The following FA2H variants were observed in gnomAD, a reference collection of about 807,000 sequenced individuals.
The protein encoded by FA2H is fatty acid alpha-hydroxylase.
In FA2H, 22 loss-of-function variants were observed where a neutral mutation model predicts 44.9. The ratio of observed to expected loss-of-function variants is 0.49; its 90% CI spans 0.35 to 0.70. The LOEUF (loss-of-function observed/expected upper bound fraction) is 0.70, where lower values mean the gene tolerates loss of function less well. Among genes scored for constraint, FA2H ranks in the 30% least tolerant of loss-of-function variants. FA2H has a pLI of 0.01. For synonymous variants in FA2H, 243 were observed against 213.2 expected, an observed-to-expected ratio of 1.14 and a Z score of -1.22; for missense variants, 501 against 504.9, an observed-to-expected ratio of 0.99 and a Z score of 0.07.
chr16:74,716,573 G>C lies in FA2H; in HGVS notation c.813C>G (p.Val271=), dbSNP rs572400760. The C allele has an allele frequency of 1.3e-5, 20 of 1,587,338 alleles. No homozygotes were observed. In the African/African-American group the frequency reaches 1.9e-4, roughly 15 times the overall value. The change falls in exon 6 of 7, where the codon GTC becomes GTG. Residue 271 remains valine, a synonymous_variant. Coordinates refer to ENST00000219368, the MANE Select transcript of FA2H (RefSeq NM_024306.5). Reference sequence around the variant, plus strand: ...CCAGGGAGGCTGGCACAGGGGGGAAGACCAGGCGGGAGCCGTCGAAGGGTG... The same window carrying C: ...CCAGGGAGGCTGGCACAGGGGGGAACACCAGGCGGGAGCCGTCGAAGGGTG... ...HKAPFDGSRL[V]FPPVPASLVI...
intron 1 of FA2H, among the ~76,000 whole-genome samples, chr16:74,741,808 A>ATATATATGTGTG (rs1491185782): frequency 1.6e-3 from 79 of 48,362 alleles, no homozygotes; most frequent in Admixed American, 5.4e-3. Flanking sequence ...ATATATATAT[A>ATATATATGTGTG]TGTGTGTGTG....
chr16:74,734,094 C>G (rs143668407), intron 2 of FA2H, among the ~76,000 whole-genome samples: 310 of 152,346 alleles, frequency 2.0e-3, no homozygotes, highest in African/African-American at 7.1e-3. Flanking sequence ...GGTCCGGGCC[C>G]CATTTACTTC....
chr16:74,762,278 C>T (rs1962727706), intron 1 of FA2H, among the ~76,000 whole-genome samples: 1 of 152,154 alleles, frequency 6.6e-6, no homozygotes, highest in Admixed American at 6.5e-5. Flanking sequence ...TTCCTGACCT[C>T]GTGATCCACC....
chr16:74,727,771 A>C (rs1459715511), intron 2 of FA2H, among the ~76,000 whole-genome samples: 3 of 152,216 alleles, frequency 2.0e-5, no homozygotes, highest in African/African-American at 7.2e-5. Flanking sequence ...ATATCTGAGC[A>C]TCCAGATTCA....
chr16:74,741,808 A>ATATGTGTG (rs1491185782), intron 1 of FA2H, among the ~76,000 whole-genome samples: 384 of 48,218 alleles, frequency 8.0e-3, no homozygotes, highest in East Asian at 0.025. Context: ...ATATATATAT[A>ATATGTGTG]TGTGTGTGTG....
At chr16:74,745,673 C>A (rs764178355) in intron 1 of FA2H, among the ~76,000 whole-genome samples, 1 of 152,186 alleles carries the variant, frequency 6.6e-6, no homozygotes, top group Non-Finnish European at 1.5e-5. Context: ...AGGAGAGAAG[C>A]CTTTGAGACA....
chr16:74,722,256 C>G (rs1435936297), intron 4 of FA2H, among the ~76,000 whole-genome samples: 1 of 152,216 alleles, frequency 6.6e-6, no homozygotes, highest in East Asian at 1.9e-4. Flanking sequence ...TCAGGCTAGG[C>G]TGAACATGGG....
chr16:74,773,926 T>G (rs1962956508), intron 1 of FA2H, among the ~76,000 whole-genome samples: 1 of 152,180 alleles, frequency 6.6e-6, no homozygotes, highest in Admixed American at 6.5e-5. Context: ...TCTGAGAGGT[T>G]GGAGGACACA....
chr16:74,758,897 C>T lies in FA2H; in HGVS notation c.270+15589G>A, dbSNP rs979028522. Reference sequence around the variant, plus strand: ...GTATCTAGAACATTCCAGGGGAATCCTCCTGAAGGCCTTGGGATCTTGGCT... The same window carrying T: ...GTATCTAGAACATTCCAGGGGAATCTTCCTGAAGGCCTTGGGATCTTGGCT... On this transcript the variant is annotated intron_variant, in intron 1 of 6. Coordinates refer to ENST00000219368, the MANE Select transcript of FA2H (RefSeq NM_024306.5). Among the ~76,000 whole-genome samples the T allele has an allele frequency of 4.6e-5, 7 of 152,244 alleles. No individual in the cohort carries two copies. The South Asian group carries it at 1.0e-3, about 22-fold the overall frequency.
At chr16:74,771,073 C>A (rs1319354194) in intron 1 of FA2H, among the ~76,000 whole-genome samples, 1 of 152,142 alleles carries the variant, frequency 6.6e-6, no homozygotes, top group Admixed American at 6.5e-5. Flanking sequence ...ACGAGCCACA[C>A]CCTAAGGCTC....
chr16:74,764,925 G>C (rs1465428573), intron 1 of FA2H, among the ~76,000 whole-genome samples: 1 of 152,060 alleles, frequency 6.6e-6, no homozygotes, highest in African/African-American at 2.4e-5. Flanking sequence ...AACCCTGAGA[G>C]CAATGTGGGT....
At chr16:74,726,378 GAC>G (rs748244724) in intron 3 of FA2H, 47 bp from the exon 4 acceptor site, 4 of 1,202,342 alleles carry the variant, frequency 3.3e-6, no homozygotes, top group African/African-American at 1.6e-5. Context: ...ACAGGAGCTT[GAC>G]AGAGTACAGC....
chr16:74,763,768 T>G (rs1962756281), intron 1 of FA2H, among the ~76,000 whole-genome samples: 1 of 152,238 alleles, frequency 6.6e-6, no homozygotes, highest in South Asian at 2.1e-4. Context: ...GCAAGTTTAT[T>G]GCAGGTTGCA....
intron 1 of FA2H, among the ~76,000 whole-genome samples, chr16:74,755,582 C>T (rs551429747): frequency 2.0e-5 from 3 of 152,304 alleles, no homozygotes; most frequent in South Asian, 4.1e-4. Context: ...TTTAAGAACA[C>T]GTCTGTGAAT....
chr16:74,750,103 A>T (rs1430455218), intron 1 of FA2H, among the ~76,000 whole-genome samples: 1 of 152,216 alleles, frequency 6.6e-6, no homozygotes, highest in Non-Finnish European at 1.5e-5. Context: ...ACAGGACATG[A>T]GTTCCTTAAA....
intron 1 of FA2H, among the ~76,000 whole-genome samples, chr16:74,769,102 T>C (rs925197670): frequency 2.6e-5 from 4 of 152,104 alleles, no homozygotes; most frequent in Non-Finnish European, 5.9e-5. Flanking sequence ...ATTCACTTTA[T>C]TTATTTATTG....
chr16:74,760,560 G>C (rs559305704), intron 1 of FA2H, among the ~76,000 whole-genome samples: 3 of 152,184 alleles, frequency 2.0e-5, no homozygotes, highest in African/African-American at 4.8e-5. Context: ...AGCGTGCAGG[G>C]AGTCAATGAC....
At chr16:74,752,184 A>G (rs980809361) in intron 1 of FA2H, among the ~76,000 whole-genome samples, 3 of 152,072 alleles carry the variant, frequency 2.0e-5, no homozygotes, top group Non-Finnish European at 4.4e-5. Context: ...GACAATAGCA[A>G]TGGCCTCTTA....
At chr16:74,756,156 T>A (rs775585494) in intron 1 of FA2H, among the ~76,000 whole-genome samples, 5 of 152,196 alleles carry the variant, frequency 3.3e-5, no homozygotes, top group Admixed American at 6.5e-5. Flanking sequence ...TCTGCCGTCC[T>A]AGCCTTGGTC....
Sources: allele counts gnomAD v4.1 joint callset (sites outside exome capture counted in the v4.1 genomes callset), GRCh38; gene constraint gnomAD v4.1.1; transcripts MANE v1.5; gene names NCBI Gene and HGNC (gene_info 2026-07-23, HGNC 2026-07-21).